The following PRRG4 variants were observed in gnomAD, a reference collection of about 807,000 sequenced individuals.
PRRG4 encodes transmembrane gamma-carboxyglutamic acid protein 4.
In PRRG4, 12 loss-of-function variants were observed where a neutral mutation model predicts 20.0. The ratio of observed to expected loss-of-function variants is 0.60; its 90% CI spans 0.38 to 0.97. PRRG4 has a LOEUF of 0.97. PRRG4 is among the 50% of genes least tolerant of loss of function. The pLI, the probability that PRRG4 is intolerant of heterozygous loss-of-function variation, is 0.00. For missense variants in PRRG4, 199 were observed against 265.1 expected (o/e 0.75, Z 1.73); for synonymous variants, 94 against 96.4 (o/e 0.98, Z 0.15).
intron 5 of PRRG4, among the ~76,000 whole-genome samples, chr11:32,841,070 TAA>T (rs200004639): frequency 3.5e-5 from 5 of 141,304 alleles, no homozygotes; most frequent in African/African-American, 2.6e-5. Flanking sequence ...ACAATCTTAT[TAA>T]AAAAAAAAAA....
In PRRG4 at chr11:32,844,871, C is replaced by T. The variant is rs1232852059; in HGVS notation, c.449+4632C>T. Among the ~76,000 whole-genome samples the T allele has an allele frequency of 2.0e-5, 3 of 152,056 alleles. No individual in the cohort carries two copies. In the East Asian group the frequency reaches 5.8e-4, roughly 29 times the overall value. On this transcript the variant is annotated intron_variant, in intron 5 of 5. Transcript: ENST00000257836. ...GCTTTCACTGGAATGTTTATGTATT[C>T]CCATCCAATATTTGTATTTCTTTAA...
chr11:32,845,513 T>G (rs1007378798), intron 5 of PRRG4, among the ~76,000 whole-genome samples: 3 of 151,758 alleles, frequency 2.0e-5, no homozygotes, highest in Non-Finnish European at 2.9e-5. Flanking sequence ...GTGCCTGTAG[T>G]CCCAGCTACT....
At chr11:32,829,908 G>T, upstream of PRRG4, 1 of 985,610 alleles carries the variant, frequency 1.0e-6, no homozygotes, top group Non-Finnish European at 1.2e-6. Flanking sequence ...GTGTCCCCAG[G>T]TAGCCGCCTC....
intron 2 of PRRG4, among the ~76,000 whole-genome samples, chr11:32,832,576 G>A (rs758951354): frequency 6.6e-6 from 1 of 151,082 alleles, no homozygotes; most frequent in Non-Finnish European, 1.5e-5. Flanking sequence ...CACCTCCTGG[G>A]TTCAAGCAAT....
intron 2 of PRRG4, among the ~76,000 whole-genome samples, chr11:32,836,432 TAATC>T (rs1432595814): frequency 1.3e-5 from 2 of 152,344 alleles, no homozygotes; most frequent in East Asian, 3.9e-4. Flanking sequence ...ATTTTGGACA[TAATC>T]AACTCCAGTG....
In PRRG4 at chr11:32,857,951, C is replaced by A. The variant is rs1340233255; in HGVS notation, c.*4424C>A. 1 of 152,046 alleles carries A rather than the reference C, an allele frequency of 6.6e-6. No homozygotes were observed. Among genetic ancestry groups the A allele is most frequent in the East Asian group, 1.9e-4 (1 of 5,198 alleles). 9.4% of individuals were successfully genotyped at this position (152,046 alleles called of 1,614,324 possible). Reference sequence around the variant, plus strand: ...TTTTTGAAAAATGTTTCTCTAACACCTCAACAGTTTAAGGTAATTTAGTAC... The same window carrying A: ...TTTTTGAAAAATGTTTCTCTAACACATCAACAGTTTAAGGTAATTTAGTAC... On this transcript the variant is annotated 3_prime_UTR_variant, in exon 6 of 6. Coordinates refer to ENST00000257836, the MANE Select transcript of PRRG4 (RefSeq NM_024081.6).
chr11:32,844,860 G>A (rs954705943), intron 5 of PRRG4, among the ~76,000 whole-genome samples: 2 of 152,072 alleles, frequency 1.3e-5, no homozygotes, highest in African/African-American at 4.8e-5. Context: ...TCACTGGAAT[G>A]TTTATGTATT....
intron 4 of PRRG4, 116 bp downstream of exon 4, chr11:32,839,046 A>G (rs1209807733): frequency 1.4e-6 from 1 of 706,992 alleles, no homozygotes; most frequent in Non-Finnish European, 2.5e-6. Context: ...TATAAATCCA[A>G]GGAGATTTCT....
In PRRG4 at chr11:32,838,950, A is replaced by T. The variant is rs377186590; in HGVS notation, c.316+20A>T. 1.1e-5 allele frequency: 17 copies of T among 1,565,454 alleles called. No homozygotes were observed. The East Asian group carries it at 3.6e-4, about 33-fold the overall frequency. ...AATCAGGTAAAACAAGAATTGATCA[A>T]ATTTAATGCTTTTCTCATCCTCTCT... On this transcript the variant is annotated intron_variant, in intron 4 of 5. Transcript: ENST00000257836.
chr11:32,842,740 T>TA (rs1851090629), intron 5 of PRRG4, among the ~76,000 whole-genome samples: 1 of 152,068 alleles, frequency 6.6e-6, no homozygotes, highest in Non-Finnish European at 1.5e-5. Flanking sequence ...ATTAATTAAT[T>TA]AAAAACTAAA....
chr11:32,851,754 A>C (rs980967174), intron 5 of PRRG4, among the ~76,000 whole-genome samples: 1 of 151,940 alleles, frequency 6.6e-6, no homozygotes, highest in African/African-American at 2.4e-5. Context: ...TTATCTATGC[A>C]TTTTTTTCCT....
chr11:32,838,904 C>T lies in PRRG4; in HGVS notation c.290C>T (p.Ser97Leu), dbSNP rs2133441892. The T allele has an allele frequency of 3.1e-6, 5 of 1,609,908 alleles. No individual in the cohort carries two copies. Among genetic ancestry groups the T allele is most frequent in the Middle Eastern group, 1.7e-4 (1 of 6,042 alleles). The change falls in exon 4 of 6, where the codon TCA becomes TTA. Residue 97 changes from serine (S) to leucine (L), a missense_variant. Transcript: ENST00000257836. ...DKTIAFWQEY[S>L]AKGPTTKSDG... ...TAGATTGCATTTTGGCAGGAATATT[C>T]AGCTAAAGGACCAACCACAAAATCA...
intron 2 of PRRG4, among the ~76,000 whole-genome samples, chr11:32,834,235 G>A (rs1850999970): frequency 6.6e-6 from 1 of 152,102 alleles, no homozygotes; most frequent in Non-Finnish European, 1.5e-5. Flanking sequence ...GGCCCTCTTT[G>A]GCTGTTATGT....
chr11:32,840,601 C>T lies in PRRG4; in HGVS notation c.449+362C>T, dbSNP rs1449178540. Among the ~76,000 whole-genome samples the T allele has an allele frequency of 6.6e-6, 1 of 152,198 alleles. No homozygotes were observed. The highest frequency in any genetic ancestry group is 2.4e-5 in the African/African-American group (1 of 41,462). On this transcript the variant is annotated intron_variant, in intron 5 of 5. Coordinates refer to ENST00000257836, the MANE Select transcript of PRRG4 (RefSeq NM_024081.6). The surrounding 1 kb of genome is among the most constrained non-coding windows in gnomAD (Gnocchi z 4.1). ...ATTGCATTTAGCTGTCATGTCTTCCCAGTCTGTGGCAATTGTCTGGTCTCC... is the reference window on the plus strand; with the variant it reads ...ATTGCATTTAGCTGTCATGTCTTCCTAGTCTGTGGCAATTGTCTGGTCTCC...
Position 32,829,981 on chromosome 11 carries a change from C to T in PRRG4, c.-215C>T, listed in dbSNP as rs2133432646. ...AGGACCTCACCCCGCGCGTGTTCCC[C>T]GGGCGCCCCTCTGCGAACCCCAGGC... is the stretch of plus-strand genomic sequence containing the variant. On this transcript the variant is annotated 5_prime_UTR_variant, in exon 1 of 6. Coordinates refer to ENST00000257836, the MANE Select transcript of PRRG4 (RefSeq NM_024081.6). 1.0e-6 allele frequency: 1 copy of T among 984,718 alleles called. No individual in the cohort carries two copies. The highest frequency in any genetic ancestry group is 1.2e-6 in the Non-Finnish European group (1 of 829,560). The allele number at this position is 984,718 out of a possible 1,614,324, so 61.0% of individuals were successfully genotyped here. A position where few individuals can be genotyped will look rare whatever the true frequency, so the allele number is the denominator to read the frequency against.
intron 5 of PRRG4, among the ~76,000 whole-genome samples, chr11:32,848,670 AAAAG>A (rs1159280123): frequency 6.6e-6 from 1 of 151,966 alleles, no homozygotes; most frequent in Non-Finnish European, 1.5e-5. Context: ...GGAAAACAAA[AAAAG>A]AAAGGGTAAG....
At chr11:32,835,659 G>A (rs182489611) in intron 2 of PRRG4, among the ~76,000 whole-genome samples, 42 of 152,312 alleles carry the variant, frequency 2.8e-4, no homozygotes, top group African/African-American at 9.1e-4. Context: ...GGGGTGTACC[G>A]TAGAGGGAGC....
intron 5 of PRRG4, among the ~76,000 whole-genome samples, chr11:32,844,339 G>A (rs1851106973): frequency 6.6e-6 from 1 of 152,132 alleles, no homozygotes; most frequent in African/African-American, 2.4e-5. Flanking sequence ...GGTTTGTGTA[G>A]TATGGTAGCT....
chr11:32,838,805 A>C (rs1851048216), intron 3 of PRRG4, 77 bp from the exon 4 acceptor site: 1 of 1,033,546 alleles, frequency 9.7e-7, no homozygotes, highest in Non-Finnish European at 1.5e-6. Flanking sequence ...TACTACCCCT[A>C]GTCTAGGTCA....
Sources: allele counts gnomAD v4.1 joint callset (sites outside exome capture counted in the v4.1 genomes callset), GRCh38; gene constraint gnomAD v4.1.1; non-coding constraint Gnocchi (gnomAD v3.1); transcripts MANE v1.5; gene names NCBI Gene and HGNC (gene_info 2026-07-23, HGNC 2026-07-21).